The following CAMTA1 variants were observed in gnomAD, a reference collection of about 807,000 sequenced individuals.
CAMTA1 encodes the protein calmodulin-binding transcription activator 1.
In CAMTA1, 27 loss-of-function variants were observed where a neutral mutation model predicts 170.9. That is an observed-to-expected ratio of 0.16 (90% confidence interval 0.12 to 0.22). CAMTA1 has a LOEUF of 0.22. Among genes scored for constraint, CAMTA1 ranks in the 10% least tolerant of loss-of-function variants. CAMTA1 has a pLI of 1.00. For synonymous variants in CAMTA1, 833 were observed against 891.5 expected (o/e 0.93, Z 1.17); for missense variants, 1,619 against 2,217.2 (o/e 0.73, Z 5.42).
intron 5 of CAMTA1, among the ~76,000 whole-genome samples, chr1:7,464,034 C>A (rs947131037): frequency 6.6e-6 from 1 of 152,132 alleles, no homozygotes; most frequent in Non-Finnish European, 1.5e-5. Flanking sequence ...TGAATATTTA[C>A]CAAAAAATTT....
intron 6 of CAMTA1, among the ~76,000 whole-genome samples, chr1:7,589,064 G>A (rs541458058): frequency 1.3e-5 from 2 of 152,284 alleles, no homozygotes; most frequent in African/African-American, 2.4e-5. Flanking sequence ...CGTTTCCTCC[G>A]TGAGAAGAGG....
intron 5 of CAMTA1, among the ~76,000 whole-genome samples, chr1:7,296,805 G>A (rs74052497): frequency 0.017 from 1,758 of 102,430 alleles, 42 homozygotes; most frequent in African/African-American, 0.062. Flanking sequence ...CATTAATCAC[G>A]GATGACCACC....
intron 2 of CAMTA1, among the ~76,000 whole-genome samples, chr1:6,823,601 G>A (rs1318659661): frequency 2.0e-5 from 3 of 152,056 alleles, no homozygotes; most frequent in African/African-American, 7.2e-5. Flanking sequence ...TCTATATGAT[G>A]TAGTAAATTT....
chr1:6,873,042 C>A (rs972073360), intron 3 of CAMTA1, among the ~76,000 whole-genome samples: 1 of 152,176 alleles, frequency 6.6e-6, no homozygotes, highest in South Asian at 2.1e-4. Context: ...CAGTTTTGTT[C>A]AGGCTCACGA....
chr1:7,423,084 G>T (rs2091667402), intron 5 of CAMTA1, among the ~76,000 whole-genome samples: 1 of 152,184 alleles, frequency 6.6e-6, no homozygotes. Flanking sequence ...GAGTTAGATG[G>T]AGTCTCAGGG....
At chr1:7,161,931 C>A (rs747067716) in intron 4 of CAMTA1, among the ~76,000 whole-genome samples, 1 of 152,184 alleles carries the variant, frequency 6.6e-6, no homozygotes, top group African/African-American at 2.4e-5. Context: ...AGGTGTGCAA[C>A]GCCAAGCTTA....
intron 3 of CAMTA1, among the ~76,000 whole-genome samples, chr1:6,880,971 C>T (rs1671405773): frequency 6.6e-6 from 1 of 152,014 alleles, no homozygotes; most frequent in Admixed American, 6.6e-5. Context: ...TAATTGCGTG[C>T]TTATATATGC....
At chr1:7,180,864 C>T (rs1223493098) in intron 4 of CAMTA1, among the ~76,000 whole-genome samples, 2 of 152,106 alleles carry the variant, frequency 1.3e-5, no homozygotes, top group South Asian at 2.1e-4. Flanking sequence ...TTTAGAGAAT[C>T]GAAAATAAAT....
chr1:6,997,609 A>G (rs1697469011), intron 3 of CAMTA1, among the ~76,000 whole-genome samples: 1 of 149,784 alleles, frequency 6.7e-6, no homozygotes, highest in Non-Finnish European at 1.5e-5. Context: ...CTCCTGTGAC[A>G]TGGATGTTGA....
chr1:7,295,307 A>G (rs975781592), intron 5 of CAMTA1, among the ~76,000 whole-genome samples: 2 of 152,156 alleles, frequency 1.3e-5, no homozygotes, highest in African/African-American at 4.8e-5. Flanking sequence ...CCTACATTGC[A>G]TCTCCATCTG....
chr1:7,519,052 G>GCCCA (rs2094325993), intron 6 of CAMTA1, among the ~76,000 whole-genome samples: 1 of 152,060 alleles, frequency 6.6e-6, no homozygotes, highest in Non-Finnish European at 1.5e-5. Flanking sequence ...TCACCAGACA[G>GCCCA]CCCACTCCAG....
intron 5 of CAMTA1, among the ~76,000 whole-genome samples, chr1:7,392,316 T>G (rs2088809632): frequency 6.8e-6 from 1 of 147,700 alleles, no homozygotes; most frequent in East Asian, 2.1e-4. Flanking sequence ...AACGCAATGG[T>G]GCAATCTCAG....
At chr1:6,825,021 A>T (rs1024504108) in intron 2 of CAMTA1, 71 bp from the exon 3 acceptor site, 1 of 865,404 alleles carries the variant, frequency 1.2e-6, no homozygotes, top group Non-Finnish European at 1.8e-6. Context: ...GCTATTTCTG[A>T]CTTTGTCAGT....
At chr1:7,390,207 G>A (rs1357220224) in intron 5 of CAMTA1, among the ~76,000 whole-genome samples, 1 of 152,192 alleles carries the variant, frequency 6.6e-6, no homozygotes, top group Non-Finnish European at 1.5e-5. Context: ...GAGCTGCCAA[G>A]CCTCCCTCTC....
intron 6 of CAMTA1, among the ~76,000 whole-genome samples, chr1:7,598,982 G>C (rs1414882652): frequency 1.3e-5 from 2 of 152,158 alleles, no homozygotes; most frequent in Non-Finnish European, 2.9e-5. Flanking sequence ...TGTTGCCATT[G>C]CTTTTGGTGT....
intron 4 of CAMTA1, among the ~76,000 whole-genome samples, chr1:7,163,335 G>A (rs1035789179): frequency 1.8e-5 from 2 of 109,540 alleles, no homozygotes; most frequent in South Asian, 3.8e-4. Context: ...ACCAAGGAGC[G>A]GGAGGCCGGG....
chr1:7,659,635 T>C (rs12071290), intron 7 of CAMTA1, among the ~76,000 whole-genome samples: 39,360 of 151,938 alleles, frequency 0.26, 5,194 homozygotes, highest in Middle Eastern at 0.36. Context: ...CACAGAGATC[T>C]ACCCGCAGTG....
chr1:7,664,498 G>T lies in CAMTA1; in HGVS notation c.1951G>T (p.Ala651Ser). ...CGTGATGCCCACGGTGAAAACGGAGGCCTCGTCCCAAACCAGCTCCTGCAG... is the reference window on the plus strand; with the variant it reads ...CGTGATGCCCACGGTGAAAACGGAGTCCTCGTCCCAAACCAGCTCCTGCAG... ...TFVMPTVKTE[A>S]SSQTSSCSGH... Residue 651 changes from alanine to serine, a missense_variant, in exon 9 of 23, where the codon GCC becomes TCC. Ala to Ser is a moderately conservative substitution (Grantham distance 99, BLOSUM62 1). This residue lies in a region of CAMTA1 where 731 missense variants were observed against 907.6 expected (regional missense o/e 0.81). Coordinates refer to ENST00000303635, the MANE Select transcript of CAMTA1 (RefSeq NM_015215.4). The T allele has an allele frequency of 6.2e-7, 1 of 1,613,284 alleles. No homozygotes were observed. The highest frequency in any genetic ancestry group is 8.5e-7 in the Non-Finnish European group (1 of 1,180,040).
At chr1:7,396,748 G>C (rs569427909) in intron 5 of CAMTA1, among the ~76,000 whole-genome samples, 2 of 152,234 alleles carry the variant, frequency 1.3e-5, no homozygotes, top group South Asian at 2.1e-4. Flanking sequence ...GTCTACTGAA[G>C]TGATTATATA....
Sources: gnomAD v4.1 joint callset for allele counts (sites outside exome capture counted in the v4.1 genomes callset) on GRCh38, gnomAD v4.1.1 for gene constraint, gnomAD v4.1.1 regional missense constraint, MANE v1.5 for transcripts, NCBI Gene and HGNC (gene_info 2026-07-23, HGNC 2026-07-21) for gene names.